The following RNASEH2B variants were observed in gnomAD, a reference collection of about 807,000 sequenced individuals.
The protein encoded by RNASEH2B is ribonuclease H2 subunit B.
In RNASEH2B, 36 loss-of-function variants were observed where a neutral mutation model predicts 45.0. The ratio of observed to expected loss-of-function variants is 0.80; its 90% CI spans 0.61 to 1.06. The LOEUF is 1.06. Ranked by LOEUF, RNASEH2B falls within the 50% of genes least tolerant of loss-of-function variation. The probability of loss-of-function intolerance (pLI) is 0.00; values close to 1 mark genes in which losing one functional copy is unlikely to be tolerated. For missense variants in RNASEH2B, 361 were observed against 360.3 expected (o/e 1.00, Z -0.02); for synonymous variants, 119 against 125.7 (o/e 0.95, Z 0.35).
At chr13:50,935,933 G>A (rs1246194340) in intron 5 of RNASEH2B, 2 of 152,196 alleles carry the variant, frequency 1.3e-5, no homozygotes, top group Admixed American at 1.3e-4. Flanking sequence ...AGGAGATAAT[G>A]GTGGCCTTGA....
chr13:50,925,310 A>G lies in RNASEH2B; in HGVS notation c.65-2097A>G, dbSNP rs1384365675. 3.9e-5 allele frequency among the ~76,000 whole-genome samples: 6 copies of G among 152,042 alleles called. No homozygotes were observed. In the East Asian group the frequency reaches 1.2e-3, roughly 29 times the overall value. Reference sequence around the variant, plus strand: ...ATCAATTCTATTATCTTGTATATTAATACCCCTCTTTCAGTAATTGATTTT... The same window carrying G: ...ATCAATTCTATTATCTTGTATATTAGTACCCCTCTTTCAGTAATTGATTTT... On this transcript the variant is annotated intron_variant, in intron 1 of 10. Transcript: ENST00000336617.
chr13:50,909,876 T>C lies in RNASEH2B; in HGVS notation c.-201T>C. ...GCATTCAGAGCCCCTCGCCTGGCGC[T>C]AAATTTAAAAACGTAACACGAGCAG... On this transcript the variant is annotated 5_prime_UTR_variant, in exon 1 of 11. Transcript: ENST00000336617. 1 of 452,622 alleles carries C rather than the reference T, an allele frequency of 2.2e-6. No individual in the cohort carries two copies. The highest frequency in any genetic ancestry group is 3.9e-6 in the Non-Finnish European group (1 of 256,906). 28.0% of individuals were successfully genotyped at this position (452,622 alleles called of 1,614,324 possible). A position where few individuals can be genotyped will look rare whatever the true frequency, so the allele number is the denominator to read the frequency against.
chr13:50,933,853 GT>G (rs1355053263), intron 4 of RNASEH2B: 1 of 152,144 alleles, frequency 6.6e-6, no homozygotes, highest in Non-Finnish European at 1.5e-5. Context: ...GGAAAAATCT[GT>G]GCATTATTCT....
chr13:50,935,005 G>A lies in RNASEH2B; in HGVS notation c.436+6G>A, dbSNP rs1334165925. 2 of 1,585,790 alleles carry A rather than the reference G, an allele frequency of 1.3e-6. No homozygotes were observed. Among genetic ancestry groups the A allele is most frequent in the Non-Finnish European group, 1.7e-6 (2 of 1,154,548 alleles). ...TCATGTGACAGAGGAAAAAGGTATG[G>A]TATAACTTAAAGGCTTATGGCTGGT... On this transcript the variant is annotated splice_donor_region_variant and intron_variant, in intron 5 of 10. Transcript: ENST00000336617.
At chr13:50,928,932 C>CTTTTTT (rs35147830) in intron 2 of RNASEH2B, among the ~76,000 whole-genome samples, 17 of 87,868 alleles carry the variant, frequency 1.9e-4, no homozygotes, top group East Asian at 2.9e-4. Context: ...TGCCTCCTCC[C>CTTTTTT]TTTTTTTTTT....
In RNASEH2B at chr13:50,945,472, A is replaced by C. The variant is rs759712178; in HGVS notation, c.556A>C (p.Ser186Arg). 1.2e-6 allele frequency: 2 copies of C among 1,613,856 alleles called. No individual in the cohort carries two copies. The highest frequency in any genetic ancestry group is 1.7e-6 in the Non-Finnish European group (2 of 1,179,744). The stretch of plus-strand genomic sequence containing the variant: ...ATTAAAAACCAATAATGTGAATGTC[A>C]GTTCCCGGGTACAGTCAACTGCATT... ...AALKTNNVNV[S>R]SRVQSTAFFS... Residue 186 changes from serine (S) to arginine (R), a missense_variant, in exon 7 of 11, where the codon AGT becomes CGT. Transcript: ENST00000336617.
chr13:50,946,268 T>A (rs1388223743), intron 7 of RNASEH2B, among the ~76,000 whole-genome samples: 1 of 152,224 alleles, frequency 6.6e-6, no homozygotes, highest in Non-Finnish European at 1.5e-5. Context: ...CAGAAATTAT[T>A]CTGACGTTAA....
intron 1 of RNASEH2B, among the ~76,000 whole-genome samples, chr13:50,922,933 TGAAAG>T (rs1951543986): frequency 6.6e-6 from 1 of 152,136 alleles, no homozygotes; most frequent in Non-Finnish European, 1.5e-5. Flanking sequence ...GTCTAAAGAA[TGAAAG>T]GAAAGTATGA....
In RNASEH2B at chr13:50,915,364, C is replaced by T. The variant is rs977450241; in HGVS notation, c.64+5224C>T. ...ACTTTGTGTCTGCCTGGAATCCTGCCTGCTCTTCACTTTATCTACCTGGCA... is the reference window on the plus strand; with the variant it reads ...ACTTTGTGTCTGCCTGGAATCCTGCTTGCTCTTCACTTTATCTACCTGGCA... On this transcript the variant is annotated intron_variant, in intron 1 of 10. Coordinates refer to ENST00000336617, the MANE Select transcript of RNASEH2B (RefSeq NM_024570.4). 4 of 398,394 alleles carry T rather than the reference C, an allele frequency of 1.0e-5. No individual in the cohort carries two copies. In the Admixed American group the frequency reaches 1.8e-4, roughly 18 times the overall value. 24.7% of individuals were successfully genotyped at this position (398,394 alleles called of 1,614,324 possible). A position where few individuals can be genotyped will look rare whatever the true frequency, so the allele number is the denominator to read the frequency against.
intron 5 of RNASEH2B, among the ~76,000 whole-genome samples, chr13:50,940,492 C>G (rs1951820640): frequency 6.6e-6 from 1 of 152,202 alleles, no homozygotes; most frequent in Non-Finnish European, 1.5e-5. Flanking sequence ...TTTACTTGCC[C>G]CTTTCCCCCA....
intron 9 of RNASEH2B, chr13:50,952,685 GT>G (rs796123189): frequency 2.0e-5 from 3 of 152,350 alleles, no homozygotes; most frequent in African/African-American, 7.2e-5. Context: ...ACAGGCATGA[GT>G]CACTGCACCA....
chr13:50,950,090 C>T (rs1383323767), intron 9 of RNASEH2B: 1 of 152,790 alleles, frequency 6.5e-6, no homozygotes, highest in East Asian at 1.9e-4. Context: ...ATGGAGAAGC[C>T]AATCATAAAC....
At chr13:50,924,406 T>A (rs1037877408) in intron 1 of RNASEH2B, among the ~76,000 whole-genome samples, 1 of 152,124 alleles carries the variant, frequency 6.6e-6, no homozygotes, top group African/African-American at 2.4e-5. Context: ...TAATATCACA[T>A]GAAATCAACT....
chr13:50,961,423 G>T (rs539635288), downstream of RNASEH2B, among the ~76,000 whole-genome samples: 4 of 152,102 alleles, frequency 2.6e-5, no homozygotes, highest in South Asian at 8.3e-4. Flanking sequence ...TATCCAGTGG[G>T]CTATATTGCA....
At chr13:50,921,363 C>G (rs1951522390) in intron 1 of RNASEH2B, 1 of 152,204 alleles carries the variant, frequency 6.6e-6, no homozygotes, top group Non-Finnish European at 1.5e-5. Flanking sequence ...CTTCCTCACA[C>G]TCCCTCTTTC....
chr13:50,913,739 G>A (rs918728330), intron 1 of RNASEH2B, among the ~76,000 whole-genome samples: 2 of 152,170 alleles, frequency 1.3e-5, no homozygotes, highest in Admixed American at 6.5e-5. Context: ...TCCACAGAAA[G>A]CAGTTTCATG....
intron 6 of RNASEH2B, among the ~76,000 whole-genome samples, chr13:50,944,333 C>G (rs1386942252): frequency 6.6e-6 from 1 of 152,150 alleles, no homozygotes; most frequent in Non-Finnish European, 1.5e-5. Flanking sequence ...TCCTAAGATT[C>G]TCTTCCATCT....
At chr13:50,947,416 TGTGTGTG>T (rs1351650175) in intron 7 of RNASEH2B, among the ~76,000 whole-genome samples, 2 of 151,570 alleles carry the variant, frequency 1.3e-5, no homozygotes, top group Non-Finnish European at 2.9e-5. Flanking sequence ...TGTGTGTGTG[TGTGTGTG>T]TATGTAGAAC....
chr13:50,933,043 G>A (rs1242015729), intron 4 of RNASEH2B, among the ~76,000 whole-genome samples: 1 of 152,198 alleles, frequency 6.6e-6, no homozygotes, highest in Non-Finnish European at 1.5e-5. Context: ...AAGCTGTGAG[G>A]CTGGTAAGCC....
Sources: gnomAD v4.1 joint callset for allele counts (sites outside exome capture counted in the v4.1 genomes callset) on GRCh38, gnomAD v4.1.1 for gene constraint, MANE v1.5 for transcripts, NCBI Gene and HGNC (gene_info 2026-07-23, HGNC 2026-07-21) for gene names.